SSBP2: variants seen among roughly 807,000 people sequenced by gnomAD.
SSBP2 encodes single-stranded DNA-binding protein 2.
A neutral mutation model predicts 61.8 loss-of-function variants in SSBP2; 17 were observed. The observed-to-expected ratio is 0.28, with a 90% CI of 0.19 to 0.41. SSBP2 has a LOEUF of 0.41. Ranked by LOEUF, SSBP2 falls within the 10% of genes least tolerant of loss-of-function variation. The probability of loss-of-function intolerance (pLI) is 1.00; values close to 1 mark genes in which losing one functional copy is unlikely to be tolerated. For missense variants in SSBP2, 310 were observed against 458.7 expected (o/e 0.68, Z 2.96); for synonymous variants, 139 against 141.3 (o/e 0.98, Z 0.12).
chr5:81,655,045 G>A (rs1405230561), intron 1 of SSBP2, among the ~76,000 whole-genome samples: 1 of 151,716 alleles, frequency 6.6e-6, no homozygotes, highest in East Asian at 1.9e-4. Flanking sequence ...ACTGATTTGG[G>A]AGGCTGAGGC....
chr5:81,688,461 T>C (rs4703838), intron 1 of SSBP2, among the ~76,000 whole-genome samples: 1 of 152,110 alleles, frequency 6.6e-6, no homozygotes, highest in South Asian at 2.1e-4. Context: ...ACCACAGGCC[T>C]TGGGTGTGAC....
rs530743919 is a variant in SSBP2 at position 81,419,783 on chromosome 5, T to G, written c.*721A>C. On this transcript the variant is annotated 3_prime_UTR_variant, in exon 17 of 17. Transcript: ENST00000320672. ...CAGTTAAGCTTTTACTGATTTGAAG[T>G]GTTTTTCTCAAATAAAAATTAAAAA... 2 of 152,360 alleles carry G rather than the reference T, an allele frequency of 1.3e-5. No homozygotes were observed. The highest frequency in any genetic ancestry group is 4.8e-5 in the African/African-American group (2 of 41,588). 9.4% of individuals were successfully genotyped at this position (152,360 alleles called of 1,614,324 possible).
intron 4 of SSBP2, among the ~76,000 whole-genome samples, chr5:81,549,108 A>G (rs1359121508): frequency 6.6e-6 from 1 of 152,216 alleles, no homozygotes; most frequent in Non-Finnish European, 1.5e-5. Flanking sequence ...TCTGGCTTCA[A>G]GTCTTAAAAA....
rs34499225 is a variant in SSBP2 at position 81,436,185 on chromosome 5, C to CAAAAAAA, written c.957+1238_957+1244dup. On this transcript the variant is annotated intron_variant, in intron 15 of 16. Transcript: ENST00000320672. Reference sequence around the variant, plus strand: ...CATGGGCAACAGAGCAAGACTCCATCAAAAAAAAAAAAAAAAAAAAAAAAA... The same window carrying CAAAAAAA: ...CATGGGCAACAGAGCAAGACTCCATCAAAAAAAAAAAAAAAAAAAAAAAAAAAAAAAA... Among the ~76,000 whole-genome samples, 10 of 54,568 alleles carry CAAAAAAA rather than the reference C, an allele frequency of 1.8e-4. 1 individual carries two copies. Among genetic ancestry groups the CAAAAAAA allele is most frequent in the Admixed American group, 5.2e-4 (2 of 3,842 alleles). The allele number at this position is 54,568 out of a possible 152,430, so 35.8% of individuals were successfully genotyped here. A position where few individuals can be genotyped will look rare whatever the true frequency, so the allele number is the denominator to read the frequency against.
chr5:81,490,376 G>A (rs1168717887), intron 5 of SSBP2, among the ~76,000 whole-genome samples: 1 of 151,756 alleles, frequency 6.6e-6, no homozygotes, highest in Non-Finnish European at 1.5e-5. Flanking sequence ...AGAAACAACA[G>A]AAAAATTATA....
chr5:81,516,311 T>C (rs139171275), intron 4 of SSBP2, among the ~76,000 whole-genome samples: 1 of 152,094 alleles, frequency 6.6e-6, no homozygotes, highest in Non-Finnish European at 1.5e-5. Context: ...TTTCTTAATA[T>C]TCATACTTTA....
At chr5:81,645,755 T>A (rs1296257208) in intron 2 of SSBP2, among the ~76,000 whole-genome samples, 2 of 152,174 alleles carry the variant, frequency 1.3e-5, no homozygotes, top group Non-Finnish European at 2.9e-5. Context: ...GGCTTTGTAT[T>A]GAGAATATCT....
chr5:81,460,930 G>T, intron 10 of SSBP2, 125 bp downstream of exon 10: 3 of 460,418 alleles, frequency 6.5e-6, no homozygotes, highest in South Asian at 7.7e-5. Context: ...TAAACTTTTT[G>T]AATGATTACT....
intron 4 of SSBP2, among the ~76,000 whole-genome samples, chr5:81,594,774 A>C (rs1362408338): frequency 6.6e-6 from 1 of 152,320 alleles, no homozygotes; most frequent in East Asian, 1.9e-4. Context: ...GGCAGAAATA[A>C]AGATGTTCTT....
rs1482661359 is a variant in SSBP2 at position 81,414,163 on chromosome 5, A to G, written c.*6341T>C. On this transcript the variant is annotated 3_prime_UTR_variant, in exon 17 of 17. Coordinates refer to ENST00000320672, the MANE Select transcript of SSBP2 (RefSeq NM_012446.5). The stretch of plus-strand genomic sequence containing the variant: ...GACTGGGATAAGCAAAATGAGTCCA[A>G]CCTTTATTCTGATAATAGCCAGTAA... 1 of 152,152 alleles carries G rather than the reference A, an allele frequency of 6.6e-6. No homozygotes were observed. The highest frequency in any genetic ancestry group is 1.5e-5 in the Non-Finnish European group (1 of 67,996). The allele number at this position is 152,152 out of a possible 1,614,324, so 9.4% of individuals were successfully genotyped here. A position where few individuals can be genotyped will look rare whatever the true frequency, so the allele number is the denominator to read the frequency against.
At chr5:81,562,998 C>G (rs192845653) in intron 4 of SSBP2, among the ~76,000 whole-genome samples, 1 of 152,202 alleles carries the variant, frequency 6.6e-6, no homozygotes, top group Non-Finnish European at 1.5e-5. Context: ...CAACACAATT[C>G]CAATCAATAT....
chr5:81,602,474 G>A (rs1224367444), intron 4 of SSBP2, among the ~76,000 whole-genome samples: 2 of 152,106 alleles, frequency 1.3e-5, no homozygotes, highest in Non-Finnish European at 2.9e-5. Context: ...GGAACTAGGA[G>A]GCATGACCTA....
At chr5:81,733,737 G>A (rs1428885850) in intron 1 of SSBP2, among the ~76,000 whole-genome samples, 1 of 152,092 alleles carries the variant, frequency 6.6e-6, no homozygotes, top group East Asian at 1.9e-4. Context: ...AGACAGTACT[G>A]TAGTTCTTTC....
chr5:81,491,184 A>G (rs907875362), intron 5 of SSBP2, among the ~76,000 whole-genome samples: 1 of 152,240 alleles, frequency 6.6e-6, no homozygotes, highest in Non-Finnish European at 1.5e-5. Context: ...TGTCTTTTAC[A>G]AAATGATGTT....
rs966226747 is a variant in SSBP2, at chr5:81,738,322, A to AT, written c.62+12658dup. On this transcript the variant is annotated intron_variant, in intron 1 of 16. Transcript: ENST00000320672. ...ATGAATGTCAGATTTCAATAACGCT[A>AT]TTTTTTTAAAGAGAGAAATAATAAA... Among the ~76,000 whole-genome samples, 10 of 152,172 alleles carry AT rather than the reference A, an allele frequency of 6.6e-5. No homozygotes were observed. The South Asian group carries it at 8.3e-4, about 13-fold the overall frequency.
At chr5:81,518,648 T>G (rs913482859) in intron 4 of SSBP2, among the ~76,000 whole-genome samples, 1 of 152,144 alleles carries the variant, frequency 6.6e-6, no homozygotes, top group Non-Finnish European at 1.5e-5. Flanking sequence ...AAGCCATCTG[T>G]AGGTACTTTA....
intron 1 of SSBP2, among the ~76,000 whole-genome samples, chr5:81,666,306 G>C (rs73135661): frequency 0.049 from 7,454 of 152,142 alleles, 358 homozygotes; most frequent in African/African-American, 0.12. Context: ...CTGAGCATTA[G>C]TAATGTTCTA....
At chr5:81,526,781 T>C (rs536273754) in intron 4 of SSBP2, among the ~76,000 whole-genome samples, 3 of 152,124 alleles carry the variant, frequency 2.0e-5, no homozygotes, top group East Asian at 1.9e-4. Context: ...CAGGAGCTTA[T>C]AATCTTGGAG....
intron 10 of SSBP2, among the ~76,000 whole-genome samples, chr5:81,449,357 T>C (rs899694932): frequency 3.3e-5 from 5 of 152,222 alleles, no homozygotes; most frequent in African/African-American, 1.2e-4. Context: ...ATTGCTGTGA[T>C]AATTTAAGAA....
Sources: allele counts gnomAD v4.1 joint callset (sites outside exome capture counted in the v4.1 genomes callset), GRCh38; gene constraint gnomAD v4.1.1; transcripts MANE v1.5; gene names NCBI Gene and HGNC (gene_info 2026-07-23, HGNC 2026-07-21).